TNFRSF10B: variants seen among roughly 807,000 people sequenced by gnomAD.
TNFRSF10B encodes the protein tumor necrosis factor receptor superfamily member 10B.
Under a neutral mutation model 41.4 loss-of-function variants are expected in TNFRSF10B, and 35 were observed. The observed-to-expected ratio is 0.85, with a 90% confidence interval of 0.65 to 1.12. The LOEUF (loss-of-function observed/expected upper bound fraction) is 1.12, where lower values mean the gene tolerates loss of function less well. Ranked by LOEUF, TNFRSF10B falls within the 50% of genes most tolerant of loss-of-function variation. TNFRSF10B has a pLI of 0.00. For synonymous variants in TNFRSF10B, 230 were observed against 215.5 expected (o/e 1.07, Z -0.59); for missense variants, 584 against 552.7 (o/e 1.06, Z -0.57).
chr8:23,055,721 A>AT (rs1191155510), intron 1 of TNFRSF10B, among the ~76,000 whole-genome samples: 1 of 152,108 alleles, frequency 6.6e-6, no homozygotes, highest in African/African-American at 2.4e-5. Flanking sequence ...AAACAAGGGT[A>AT]TTGGAGGTTT....
chr8:23,044,211 T>C (rs117766441), intron 1 of TNFRSF10B, among the ~76,000 whole-genome samples: 56 of 152,242 alleles, frequency 3.7e-4, no homozygotes, highest in Non-Finnish European at 6.2e-4. Context: ...GTGAAAACCC[T>C]AAAACTTAGA....
In TNFRSF10B at chr8:23,021,524, T is replaced by G; in HGVS notation, c.*1147A>C. The G allele has an allele frequency of 2.2e-6, 1 of 454,162 alleles. No homozygotes were observed. Among genetic ancestry groups the G allele is most frequent in the South Asian group, 1.6e-5 (1 of 64,474 alleles). 28.1% of individuals were successfully genotyped at this position (454,162 alleles called of 1,614,324 possible). A position where few individuals can be genotyped will look rare whatever the true frequency, so the allele number is the denominator to read the frequency against. ...GAGCCCAAACAGGGCTCAAGTTCAC[T>G]TGGGATATGACATAGACCCTATTGT... On this transcript the variant is annotated 3_prime_UTR_variant, in exon 9 of 9. Transcript: ENST00000276431.
Position 23,023,092 on chromosome 8 carries a change from T to C in TNFRSF10B, c.1010-108A>G. On this transcript the variant is annotated intron_variant, in intron 8 of 8. Coordinates refer to ENST00000276431, the MANE Select transcript of TNFRSF10B (RefSeq NM_003842.5). ...GGCGGGGAACCTGGAGAGCCCCGTG[T>C]GCGGGCAAACCTGCCGCTCCAGTGC... is the stretch of plus-strand genomic sequence containing the variant. 2.1e-6 allele frequency: 3 copies of C among 1,421,554 alleles called. No individual in the cohort carries two copies. In the Admixed American group the frequency reaches 5.9e-5, roughly 28 times the overall value. 88.1% of individuals were successfully genotyped at this position (1,421,554 alleles called of 1,614,324 possible).
At chr8:23,034,011 A>G (rs1811961026) in intron 2 of TNFRSF10B, among the ~76,000 whole-genome samples, 1 of 152,198 alleles carries the variant, frequency 6.6e-6, no homozygotes, top group African/African-American at 2.4e-5. Context: ...TCTGTAGCAC[A>G]GTATTATGGT....
At chr8:23,023,480 G>A (rs1811605980) in intron 8 of TNFRSF10B, among the ~76,000 whole-genome samples, 1 of 148,762 alleles carries the variant, frequency 6.7e-6, no homozygotes, top group Admixed American at 6.6e-5. Context: ...AGAGCTAGGT[G>A]GAGGCAAACA....
At chr8:23,058,367 A>G (rs566503795) in intron 1 of TNFRSF10B, among the ~76,000 whole-genome samples, 6 of 152,364 alleles carry the variant, frequency 3.9e-5, no homozygotes, top group Admixed American at 3.3e-4. Flanking sequence ...AATTATTACT[A>G]TAGCCAAAAT....
intron 4 of TNFRSF10B, among the ~76,000 whole-genome samples, chr8:23,029,086 C>T (rs1811801819): frequency 6.6e-6 from 1 of 152,110 alleles, no homozygotes; most frequent in Non-Finnish European, 1.5e-5. Flanking sequence ...AGGGAAAAGA[C>T]AGGTCTTACT....
intron 2 of TNFRSF10B, among the ~76,000 whole-genome samples, chr8:23,036,971 T>G (rs1388464680): frequency 6.6e-6 from 1 of 152,180 alleles, no homozygotes; most frequent in Admixed American, 6.5e-5. Flanking sequence ...ATGATTTGGC[T>G]GGAGGGTCAG....
intron 1 of TNFRSF10B, among the ~76,000 whole-genome samples, chr8:23,059,962 A>G (rs1342534823): frequency 6.6e-6 from 1 of 152,206 alleles, no homozygotes; most frequent in Non-Finnish European, 1.5e-5. Flanking sequence ...TGTTTATAAA[A>G]ATCAGTTGCC....
Position 23,068,962 on chromosome 8 carries a change from C to A in TNFRSF10B, c.-68G>T. 6.2e-7 allele frequency: 1 copy of A among 1,611,208 alleles called. No individual in the cohort carries two copies. Among genetic ancestry groups the A allele is most frequent in the Middle Eastern group, 1.7e-4 (1 of 6,048 alleles). ...TCAGCCCTTAAAGTAGATCGGGCATCGTCGGTGTATTTTGTGGGCGCAGAG... is the reference window on the plus strand; with the variant it reads ...TCAGCCCTTAAAGTAGATCGGGCATAGTCGGTGTATTTTGTGGGCGCAGAG... On this transcript the variant is annotated 5_prime_UTR_variant, in exon 1 of 9. Transcript: ENST00000276431.
intron 1 of TNFRSF10B, among the ~76,000 whole-genome samples, chr8:23,055,053 T>C (rs896438574): frequency 1.2e-4 from 18 of 152,230 alleles, no homozygotes; most frequent in African/African-American, 4.3e-4. Flanking sequence ...TTTCAGTTTT[T>C]ATTATTTTCT....
At position 23,038,408 on chromosome 8, in the gene TNFRSF10B, A is replaced by G. The variant is rs542334489; in HGVS notation, c.250+4730T>C. On this transcript the variant is annotated intron_variant, in intron 2 of 8. Transcript: ENST00000276431. ...TCTTATAAATACCAGCTACAATGACATGACCAGCTATGGAAATAAGGACTG... is the reference window on the plus strand; with the variant it reads ...TCTTATAAATACCAGCTACAATGACGTGACCAGCTATGGAAATAAGGACTG... Among the ~76,000 whole-genome samples the G allele has an allele frequency of 2.6e-5, 4 of 152,354 alleles. No individual in the cohort carries two copies. In the East Asian group the frequency reaches 7.7e-4, roughly 29 times the overall value.
chr8:23,062,447 G>GCTTCAAGCAATCCTCCTGT (rs1451563984), intron 1 of TNFRSF10B, among the ~76,000 whole-genome samples: 1 of 152,108 alleles, frequency 6.6e-6, no homozygotes, highest in Non-Finnish European at 1.5e-5. Flanking sequence ...CAAACTCCTG[G>GCTTCAAGCAATCCTCCTGT]CTTCAAGCAA....
intron 1 of TNFRSF10B, chr8:23,068,324 C>T: frequency 4.5e-6 from 1 of 221,390 alleles, no homozygotes; most frequent in South Asian, 5.9e-5. Context: ...GGAATTCATT[C>T]GAAGGCGCAA....
At chr8:23,052,309 A>G (rs1272455646) in intron 1 of TNFRSF10B, among the ~76,000 whole-genome samples, 4 of 133,174 alleles carry the variant, frequency 3.0e-5, no homozygotes, top group Non-Finnish European at 6.3e-5. Flanking sequence ...TTTTTGAGAC[A>G]GAGTCTTGCT....
intron 1 of TNFRSF10B, among the ~76,000 whole-genome samples, chr8:23,063,673 A>C (rs911391763): frequency 6.6e-6 from 1 of 152,110 alleles, no homozygotes; most frequent in African/African-American, 2.4e-5. Flanking sequence ...CTTCACGATA[A>C]TGCAACCTGA....
intron 1 of TNFRSF10B, among the ~76,000 whole-genome samples, chr8:23,046,615 TAAAAAAA>T (rs147614589): frequency 0.011 from 1,451 of 129,890 alleles, 15 homozygotes; most frequent in Non-Finnish European, 0.014. Flanking sequence ...TATGCAACCA[TAAAAAAA>T]AAAAAAAAAA....
At position 23,030,886 on chromosome 8, in the gene TNFRSF10B, G is replaced by C. The variant is rs1811863036; in HGVS notation, c.251-14C>G. ...AGATATGGTGTCCTGGGAGGGGAGA[G>C]AAAAGCCGGTGAATGAAATGCCACA... On this transcript the variant is annotated splice_polypyrimidine_tract_variant and intron_variant, in intron 2 of 8. Transcript: ENST00000276431. 2.5e-6 allele frequency: 4 copies of C among 1,586,436 alleles called. No individual in the cohort carries two copies. The highest frequency in any genetic ancestry group is 3.4e-6 in the Non-Finnish European group (4 of 1,161,192).
In TNFRSF10B at chr8:23,023,859, G is replaced by GGGGTTA. The variant is rs1181442395; in HGVS notation, c.1009+323_1009+328dup. 3.1e-4 allele frequency among the ~76,000 whole-genome samples: 47 copies of GGGGTTA among 152,254 alleles called. 1 individual carries two copies. The highest frequency in any genetic ancestry group is 1.1e-3 in the African/African-American group (44 of 41,552). ...CAGGTCAAGAGCTCCTTAGCCCACT[G>GGGGTTA]GGGTTAGTGGTGCTGTGCAGGACAG... On this transcript the variant is annotated intron_variant, in intron 8 of 8. Coordinates refer to ENST00000276431, the MANE Select transcript of TNFRSF10B (RefSeq NM_003842.5).
Sources: allele counts gnomAD v4.1 joint callset (sites outside exome capture counted in the v4.1 genomes callset), GRCh38; gene constraint gnomAD v4.1.1; transcripts MANE v1.5; gene names NCBI Gene and HGNC (gene_info 2026-07-23, HGNC 2026-07-21).